AGBL1: variants seen among roughly 807,000 people sequenced by gnomAD.
AGBL1 encodes the protein cytosolic carboxypeptidase 4.
AGBL1 carries 130 observed loss-of-function variants against 118.9 expected under a neutral mutation model. The ratio of observed to expected loss-of-function variants is 1.09; its 90% CI spans 0.95 to 1.26. AGBL1 has a LOEUF of 1.26. Among genes scored for constraint, AGBL1 ranks in the 50% most tolerant of loss-of-function variants. AGBL1 has a pLI of 0.00. For missense variants in AGBL1, 1,584 were observed against 1,298.1 expected, an observed-to-expected ratio of 1.22 and a Z score of -3.38; for synonymous variants, 555 against 478.9, an observed-to-expected ratio of 1.16 and a Z score of -2.08.
At chr15:86,426,361 CTT>C (rs2081866427) in intron 18 of AGBL1, among the ~76,000 whole-genome samples, 1 of 152,218 alleles carries the variant, frequency 6.6e-6, no homozygotes, top group African/African-American at 2.4e-5. Context: ...AAGAAAATCT[CTT>C]TTCCCAGGTC....
chr15:86,087,529 A>G (rs1464448723), intron 1 of AGBL1, among the ~76,000 whole-genome samples: 1 of 152,164 alleles, frequency 6.6e-6, no homozygotes, highest in African/African-American at 2.4e-5. Flanking sequence ...GGGTTTTACC[A>G]TGTTGGCCAG....
chr15:86,780,581 T>G (rs542882938), intron 22 of AGBL1, among the ~76,000 whole-genome samples: 1 of 152,176 alleles, frequency 6.6e-6, no homozygotes, highest in African/African-American at 2.4e-5. Context: ...GGGGAAGATT[T>G]GGAATTTGAC....
chr15:86,949,186 T>G lies in AGBL1; in HGVS notation c.3222-38801T>G, dbSNP rs2594344. ...AAAAAAATAAAAAAATAATGACCCA[T>G]TAAGATTTTTGTTTCTCTTTTTGAT... is the stretch of plus-strand genomic sequence containing the variant. On this transcript the variant is annotated intron_variant, in intron 23 of 24. Transcript: ENST00000441037. Among the ~76,000 whole-genome samples the G allele has an allele frequency of 7.9e-3, 1,207 of 152,294 alleles. 9 individuals carry two copies. The highest frequency in any genetic ancestry group is 0.013 in the Non-Finnish European group (852 of 68,016).
chr15:86,275,180 AGAGG>A (rs1484671813), intron 15 of AGBL1, among the ~76,000 whole-genome samples: 2 of 152,174 alleles, frequency 1.3e-5, no homozygotes, highest in Non-Finnish European at 2.9e-5. Context: ...GCTGAAGGGC[AGAGG>A]GAGGGAAGCT....
intron 22 of AGBL1, among the ~76,000 whole-genome samples, chr15:86,900,026 C>T (rs568246972): frequency 7.2e-5 from 11 of 152,260 alleles, no homozygotes; most frequent in East Asian, 3.9e-4. Context: ...ATCTTTCTCC[C>T]GTGCTGGATG....
At chr15:86,440,448 A>T (rs563091606) in intron 18 of AGBL1, among the ~76,000 whole-genome samples, 8 of 151,268 alleles carry the variant, frequency 5.3e-5, no homozygotes, top group Non-Finnish European at 1.2e-4. Context: ...GGCTAAATTG[A>T]CATGTGTGAT....
chr15:86,529,475 C>T (rs1369351142), intron 19 of AGBL1, among the ~76,000 whole-genome samples: 3 of 134,802 alleles, frequency 2.2e-5, no homozygotes, highest in East Asian at 2.1e-4. Context: ...ACCAAATCTA[C>T]GTCTGATTGG....
At chr15:86,787,118 A>C (rs2078423895) in intron 22 of AGBL1, among the ~76,000 whole-genome samples, 1 of 152,102 alleles carries the variant, frequency 6.6e-6, no homozygotes, top group African/African-American at 2.4e-5. Context: ...ATTGTTTTTT[A>C]AATGAATTTG....
chr15:86,566,776 A>G (rs927377157), intron 21 of AGBL1, among the ~76,000 whole-genome samples: 2 of 152,204 alleles, frequency 1.3e-5, no homozygotes, highest in Non-Finnish European at 2.9e-5. Flanking sequence ...TCACACATAT[A>G]TACACAAACA....
intron 17 of AGBL1, among the ~76,000 whole-genome samples, chr15:86,326,387 C>T (rs2080183788): frequency 6.6e-6 from 1 of 152,048 alleles, no homozygotes; most frequent in East Asian, 1.9e-4. Flanking sequence ...TTATTATATA[C>T]TTCTAAATAT....
intron 22 of AGBL1, among the ~76,000 whole-genome samples, chr15:86,836,040 A>G (rs1322743905): frequency 6.6e-6 from 1 of 152,238 alleles, no homozygotes; most frequent in Non-Finnish European, 1.5e-5. Context: ...ACTAAACTAT[A>G]TTTATTTATA....
chr15:86,411,496 C>T (rs2081620028), intron 18 of AGBL1, among the ~76,000 whole-genome samples: 1 of 152,138 alleles, frequency 6.6e-6, no homozygotes, highest in Non-Finnish European at 1.5e-5. Flanking sequence ...ATCCACCTCC[C>T]CACCGCGATT....
At chr15:86,668,173 C>G (rs1209642309) in intron 21 of AGBL1, among the ~76,000 whole-genome samples, 3 of 152,188 alleles carry the variant, frequency 2.0e-5, no homozygotes, top group South Asian at 4.1e-4. Context: ...CCACCAGACC[C>G]CACCTCCAAC....
At chr15:86,650,469 T>G (rs1218821305) in intron 21 of AGBL1, among the ~76,000 whole-genome samples, 1 of 152,216 alleles carries the variant, frequency 6.6e-6, no homozygotes, top group Non-Finnish European at 1.5e-5. Flanking sequence ...TATAAGCTAC[T>G]GTTATTGTGG....
At chr15:86,749,387 T>A (rs896873472) in intron 22 of AGBL1, among the ~76,000 whole-genome samples, 2 of 152,146 alleles carry the variant, frequency 1.3e-5, no homozygotes, top group African/African-American at 4.8e-5. Flanking sequence ...CTGAAGTTGC[T>A]TATCAGCTTA....
chr15:86,352,508 G>T, intron 17 of AGBL1, among the ~76,000 whole-genome samples: 1 of 149,076 alleles, frequency 6.7e-6, no homozygotes. Flanking sequence ...ATGGAGTCTT[G>T]GTCTGTTGTC....
intron 21 of AGBL1, among the ~76,000 whole-genome samples, chr15:86,626,725 G>A (rs1486140162): frequency 1.3e-5 from 2 of 152,118 alleles, no homozygotes; most frequent in East Asian, 3.9e-4. Context: ...AGTGTGTAGG[G>A]GACATAGGAT....
Position 86,085,479 on chromosome 15 carries a change from T to C in AGBL1, c.51+5456T>C, listed in dbSNP as rs896349623. 4.6e-5 allele frequency among the ~76,000 whole-genome samples: 7 copies of C among 152,000 alleles called. No individual in the cohort carries two copies. The South Asian group carries it at 6.2e-4, about 14-fold the overall frequency. On this transcript the variant is annotated intron_variant, in intron 1 of 22. Coordinates refer to ENST00000614907, the MANE Select transcript of AGBL1 (RefSeq NM_001386094.1). ...CTATTCCTGCGTGTGAGTGGTGGAG[T>C]TGCAAGACAGTCAACCAAGGTGATA...
rs1452141252 is a variant in AGBL1, at chr15:86,295,370, T to C, written c.2336T>C (p.Met779Thr). 2 of 1,608,016 alleles carry C rather than the reference T, an allele frequency of 1.2e-6. No individual in the cohort carries two copies. The highest frequency in any genetic ancestry group is 1.7e-5 in the Admixed American group (1 of 59,338). Reference protein sequence around the residue: ...NPCPLVTITAMPESNSDEHLE... With the variant: ...NPCPLVTITATPESNSDEHLE... The stretch of plus-strand genomic sequence containing the variant: ...TGTCCCTTGGTGACCATCACGGCCA[T>C]GCCTGAGTCCAACAGTGATGAGCAT... Residue 779 changes from methionine to threonine, a missense_variant, in exon 17 of 23, where the codon ATG becomes ACG. Transcript: ENST00000614907.
Sources: gnomAD v4.1 joint callset for allele counts (sites outside exome capture counted in the v4.1 genomes callset) on GRCh38, gnomAD v4.1.1 for gene constraint, MANE v1.5 for transcripts, NCBI Gene and HGNC (gene_info 2026-07-23, HGNC 2026-07-21) for gene names.